The following RIMS2 variants were observed in gnomAD, a reference collection of about 807,000 sequenced individuals.
The protein encoded by RIMS2 is regulating synaptic membrane exocytosis 2, also known as regulating synaptic membrane exocytosis protein 2.
A neutral mutation model predicts 174.4 loss-of-function variants in RIMS2; 59 were observed. The observed-to-expected ratio is 0.34, with a 90% CI of 0.27 to 0.42. The LOEUF (loss-of-function observed/expected upper bound fraction) is 0.42. Ranked by LOEUF, RIMS2 falls within the 10% of genes least tolerant of loss-of-function variation. The probability of loss-of-function intolerance (pLI) is 1.00; values close to 1 mark genes in which losing one functional copy is unlikely to be tolerated. For missense variants in RIMS2, 1,620 were observed against 1,666.3 expected (o/e 0.97, Z 0.48); for synonymous variants, 606 against 572.5 (o/e 1.06, Z -0.84).
intron 1 of RIMS2, among the ~76,000 whole-genome samples, chr8:103,613,741 A>G (rs1405328498): frequency 6.6e-6 from 1 of 152,082 alleles, no homozygotes; most frequent in African/African-American, 2.4e-5. Context: ...AGGGCTCCTT[A>G]AGAGTCAGCA....
chr8:103,752,825 G>A (rs993117387), intron 2 of RIMS2, among the ~76,000 whole-genome samples: 2 of 152,150 alleles, frequency 1.3e-5, no homozygotes, highest in African/African-American at 4.8e-5. Flanking sequence ...AGCTTAAGGA[G>A]ATTTTGGGCT....
At chr8:103,711,601 T>C (rs35425519) in intron 2 of RIMS2, among the ~76,000 whole-genome samples, 4,890 of 152,162 alleles carry the variant, frequency 0.032, 108 homozygotes, top group Non-Finnish European at 0.052. Flanking sequence ...CAAGATTTGA[T>C]GAAAATATAT....
exon 4 of RIMS2, chr8:103,885,313 T>C (rs749766002): frequency 1.3e-6 from 2 of 1,577,942 alleles, no homozygotes; most frequent in Admixed American, 3.5e-5. Flanking sequence ...GAAGCCCATC[T>C]GTGTCCAGAG....
At chr8:104,231,275 CA>C (rs1411115709) in intron 19 of RIMS2, among the ~76,000 whole-genome samples, 1 of 152,226 alleles carries the variant, frequency 6.6e-6, no homozygotes, top group Non-Finnish European at 1.5e-5. Flanking sequence ...ACCCTTCCTT[CA>C]AAAACTTCAG....
At chr8:104,232,935 A>G (rs1008698678) in intron 19 of RIMS2, among the ~76,000 whole-genome samples, 2 of 152,080 alleles carry the variant, frequency 1.3e-5, no homozygotes, top group African/African-American at 4.8e-5. Flanking sequence ...AACATTAACA[A>G]ATATCCACTT....
rs1391905923 is a variant in RIMS2 at position 103,575,609 on chromosome 8, A to ATATGTATT, written c.176+74551_176+74558dup. 2.0e-5 allele frequency among the ~76,000 whole-genome samples: 3 copies of ATATGTATT among 149,912 alleles called. No homozygotes were observed. The East Asian group carries it at 5.8e-4, about 29-fold the overall frequency. Reference sequence around the variant, plus strand: ...TGGCTGCACTCCCCCACCACAGGAAATATGTATTTATATAATATATATTTA... The same window carrying ATATGTATT: ...TGGCTGCACTCCCCCACCACAGGAAATATGTATTTATGTATTTATATAATATATATTTA... On this transcript the variant is annotated intron_variant, in intron 1 of 23. Coordinates refer to ENST00000504942, the Ensembl canonical transcript of RIMS2.
intron 2 of RIMS2, among the ~76,000 whole-genome samples, chr8:103,752,393 C>T (rs535609984): frequency 6.6e-6 from 1 of 152,226 alleles, no homozygotes; most frequent in South Asian, 2.1e-4. Context: ...GTGATGCCTC[C>T]AGCTTTGTTC....
At chr8:103,933,288 GACACACACACACAC>G (rs55909886) in intron 12 of RIMS2, among the ~76,000 whole-genome samples, 113 of 119,766 alleles carry the variant, frequency 9.4e-4, no homozygotes, top group Non-Finnish European at 1.4e-3. Flanking sequence ...TCGAGACTCT[GACACACACACACAC>G]ACACACACAC....
At chr8:103,937,072 T>C (rs976381429) in intron 13 of RIMS2, among the ~76,000 whole-genome samples, 75 of 151,632 alleles carry the variant, frequency 4.9e-4, no homozygotes, top group African/African-American at 1.8e-3. Flanking sequence ...CACTCCAGTC[T>C]GGGTGACAGA....
chr8:103,665,289 T>G (rs2096654926), intron 1 of RIMS2, among the ~76,000 whole-genome samples: 1 of 152,174 alleles, frequency 6.6e-6, no homozygotes, highest in Non-Finnish European at 1.5e-5. Flanking sequence ...AAAATGTGTA[T>G]TAGAGATTCT....
At chr8:103,854,044 G>A (rs1043406855) in intron 3 of RIMS2, among the ~76,000 whole-genome samples, 1 of 151,934 alleles carries the variant, frequency 6.6e-6, no homozygotes, top group African/African-American at 2.4e-5. Context: ...CCATTTATTT[G>A]TGTAGACCCT....
At chr8:103,558,596 A>G (rs1158840578) in intron 1 of RIMS2, among the ~76,000 whole-genome samples, 1 of 152,126 alleles carries the variant, frequency 6.6e-6, no homozygotes, top group African/African-American at 2.4e-5. Flanking sequence ...AAGTACATAC[A>G]TGAAAAAATT....
At chr8:103,786,615 A>T (rs1442451276) in intron 3 of RIMS2, among the ~76,000 whole-genome samples, 1 of 152,064 alleles carries the variant, frequency 6.6e-6, no homozygotes, top group South Asian at 2.1e-4. Context: ...TTCTAGTTTG[A>T]TTGCACTGTG....
chr8:103,750,630 G>T (rs1054775040), intron 2 of RIMS2, among the ~76,000 whole-genome samples: 1 of 152,096 alleles, frequency 6.6e-6, no homozygotes, highest in African/African-American at 2.4e-5. Flanking sequence ...GATCATGGAA[G>T]CGGTTTACCC....
rs371535376 is a variant in RIMS2 at position 103,953,536 on chromosome 8, C to T, written c.2702-7529C>T. ...AGTGAAGCAGAAATAAAATCCTTTG[C>T]AGACAAGGAAATGCTGAGAGATTTT... is the stretch of plus-strand genomic sequence containing the variant. On this transcript the variant is annotated intron_variant, in intron 14 of 23. Transcript: ENST00000504942. 1.2e-4 allele frequency among the ~76,000 whole-genome samples: 18 copies of T among 152,232 alleles called. No individual in the cohort carries two copies. The East Asian group carries it at 3.3e-3, about 28-fold the overall frequency.
At chr8:104,236,724 T>G (rs1261404281) in intron 19 of RIMS2, among the ~76,000 whole-genome samples, 1 of 152,082 alleles carries the variant, frequency 6.6e-6, no homozygotes, top group East Asian at 1.9e-4. Flanking sequence ...GAAAAGTAGT[T>G]AGAAATGTAA....
chr8:103,807,019 T>C (rs980468373), intron 3 of RIMS2, among the ~76,000 whole-genome samples: 1 of 152,092 alleles, frequency 6.6e-6, no homozygotes, highest in Non-Finnish European at 1.5e-5. Flanking sequence ...GATGGTTAAA[T>C]GAGTCTGGAG....
downstream of RIMS2, chr8:104,254,949 A>G (rs1363426979): frequency 6.6e-6 from 1 of 152,184 alleles, no homozygotes; most frequent in Non-Finnish European, 1.5e-5. Context: ...CTACGTGTGG[A>G]TATGAATGGG....
chr8:103,998,844 T>C (rs942403303), intron 17 of RIMS2, among the ~76,000 whole-genome samples: 1 of 151,780 alleles, frequency 6.6e-6, no homozygotes, highest in African/African-American at 2.4e-5. Flanking sequence ...GAATTTGCAG[T>C]GAATCATAGA....
Sources: allele counts gnomAD v4.1 joint callset (sites outside exome capture counted in the v4.1 genomes callset), GRCh38; gene constraint gnomAD v4.1.1; transcripts MANE v1.5; gene names NCBI Gene and HGNC (gene_info 2026-07-23, HGNC 2026-07-21).